SEC24B: variants seen among roughly 807,000 people sequenced by gnomAD.
The protein encoded by SEC24B is SEC24 homolog B, COPII component.
Under a neutral mutation model 142.8 loss-of-function variants are expected in SEC24B, and 45 were observed. That is an observed-to-expected ratio of 0.32 (90% CI 0.25 to 0.40). The LOEUF is 0.40. Among genes scored for constraint, SEC24B ranks in the 10% least tolerant of loss-of-function variants. The pLI, the probability that SEC24B is intolerant of heterozygous loss-of-function variation, is 1.00. For missense variants in SEC24B, 1,409 were observed against 1,526.8 expected, an observed-to-expected ratio of 0.92 and a Z score of 1.29; for synonymous variants, 574 against 568.2, an observed-to-expected ratio of 1.01 and a Z score of -0.15.
At chr4:109,502,226 A>C (rs971094033) in intron 6 of SEC24B, among the ~76,000 whole-genome samples, 3 of 152,246 alleles carry the variant, frequency 2.0e-5, no homozygotes, top group Non-Finnish European at 2.9e-5. Context: ...AGCCATGGGA[A>C]GAGTAATAGG....
intron 17 of SEC24B, 32 bp downstream of exon 17, chr4:109,526,431 A>G (rs1724235304): frequency 6.5e-7 from 1 of 1,532,538 alleles, no homozygotes; most frequent in South Asian, 1.2e-5. Context: ...TATAGTCTGC[A>G]GCAGTAATTC....
At chr4:109,456,513 A>G (rs1433945057) in intron 1 of SEC24B, among the ~76,000 whole-genome samples, 1 of 152,072 alleles carries the variant, frequency 6.6e-6, no homozygotes, top group African/African-American at 2.4e-5. Flanking sequence ...CTTACCATTA[A>G]GTATGGTTTG....
At position 109,457,852 on chromosome 4, in the gene SEC24B, A is replaced by T. The variant is rs547995180; in HGVS notation, c.134-5049A>T. Among the ~76,000 whole-genome samples the T allele has an allele frequency of 4.6e-5, 7 of 152,290 alleles. 1 individual carries two copies. In the South Asian group the frequency reaches 1.4e-3, roughly 32 times the overall value. On this transcript the variant is annotated intron_variant, in intron 1 of 23. Transcript: ENST00000265175. ...ATACATGTGATTGCATTTAGAACCC[A>T]CTCAAATAATCCAAGAGAGGCTCCT...
intron 4 of SEC24B, among the ~76,000 whole-genome samples, chr4:109,488,473 C>T (rs1024248721): frequency 6.6e-6 from 1 of 152,084 alleles, no homozygotes; most frequent in Non-Finnish European, 1.5e-5. Flanking sequence ...AAAAAATATT[C>T]CATATGTGAA....
At chr4:109,445,481 T>TGTGTTAGCCAG (rs1729368911) in intron 1 of SEC24B, among the ~76,000 whole-genome samples, 1 of 149,156 alleles carries the variant, frequency 6.7e-6, no homozygotes, top group Admixed American at 6.7e-5. Context: ...GGTCTCGATC[T>TGTGTTAGCCAG]GACCTCGTGA....
chr4:109,473,112 C>A lies in SEC24B; in HGVS notation c.986C>A (p.Thr329Lys). ...SGSSGSSSTRTPPTANHPVEP... is the reference protein window; with the variant it reads ...SGSSGSSSTRKPPTANHPVEP... ...TCCTCAGGATCCTCATCAACAAGAA[C>A]ACCTCCCACTGCAAATCACCCAGTT... The change falls in exon 3 of 24, where the codon ACA (threonine) becomes AAA (lysine). Residue 329 changes from threonine to lysine, a missense_variant. This residue lies in a region of SEC24B where 709 missense variants were observed against 673.5 expected (regional missense o/e 1.05). Coordinates refer to ENST00000265175, the MANE Select transcript of SEC24B (RefSeq NM_006323.5). The A allele has an allele frequency of 6.2e-7, 1 of 1,600,562 alleles. No individual in the cohort carries two copies. Among genetic ancestry groups the A allele is most frequent in the Non-Finnish European group, 8.5e-7 (1 of 1,173,630 alleles).
At chr4:109,510,444 A>G (rs76039953) in intron 8 of SEC24B, among the ~76,000 whole-genome samples, 7,156 of 152,296 alleles carry the variant, frequency 0.047, 191 homozygotes, top group African/African-American at 0.071. Flanking sequence ...TAGTGAGTAC[A>G]GTATGAGAAG....
chr4:109,491,520 AAAAG>A (rs1735019792), intron 5 of SEC24B, 113 bp downstream of exon 5: 1 of 756,082 alleles, frequency 1.3e-6, no homozygotes. Context: ...TAACAAGAAA[AAAAG>A]GACATTTTTC....
At chr4:109,529,705 A>G (rs1213469285) in intron 18 of SEC24B, among the ~76,000 whole-genome samples, 1 of 152,164 alleles carries the variant, frequency 6.6e-6, no homozygotes, top group Non-Finnish European at 1.5e-5. Flanking sequence ...GTAAATGGAA[A>G]AATATGCATT....
At chr4:109,468,632 G>A (rs1371531093) in intron 2 of SEC24B, among the ~76,000 whole-genome samples, 1 of 152,182 alleles carries the variant, frequency 6.6e-6, no homozygotes, top group South Asian at 2.1e-4. Flanking sequence ...GAAGAACCTA[G>A]ATCAGGAAAA....
intron 1 of SEC24B, among the ~76,000 whole-genome samples, chr4:109,441,019 A>G (rs1728881885): frequency 6.6e-6 from 1 of 152,146 alleles, no homozygotes; most frequent in Non-Finnish European, 1.5e-5. Flanking sequence ...TATTTTAGCT[A>G]GTTTGCTTAT....
At chr4:109,456,916 A>G (rs533799426) in intron 1 of SEC24B, among the ~76,000 whole-genome samples, 1 of 152,352 alleles carries the variant, frequency 6.6e-6, no homozygotes, top group South Asian at 2.1e-4. Flanking sequence ...CATCATTTTT[A>G]ATCTAATAAA....
chr4:109,460,222 A>G (rs1578798681), intron 1 of SEC24B, among the ~76,000 whole-genome samples: 1 of 152,190 alleles, frequency 6.6e-6, no homozygotes, highest in Non-Finnish European at 1.5e-5. Flanking sequence ...AGATTCCATT[A>G]CATTACTTAG....
At chr4:109,470,517 C>T (rs1024681825) in intron 2 of SEC24B, among the ~76,000 whole-genome samples, 1 of 152,182 alleles carries the variant, frequency 6.6e-6, no homozygotes, top group African/African-American at 2.4e-5. Flanking sequence ...GACCTCATTT[C>T]CTACAGAGCT....
At chr4:109,514,825 G>A (rs1488818246) in intron 10 of SEC24B, among the ~76,000 whole-genome samples, 1 of 152,190 alleles carries the variant, frequency 6.6e-6, no homozygotes, top group Non-Finnish European at 1.5e-5. Context: ...TTTGGCGCCT[G>A]GCTCATCTTT....
chr4:109,453,041 C>T (rs1397096797), intron 1 of SEC24B, among the ~76,000 whole-genome samples: 1 of 152,078 alleles, frequency 6.6e-6, no homozygotes, highest in Non-Finnish European at 1.5e-5. Context: ...CTGGGGGAGA[C>T]ATCACATGTC....
Position 109,473,013 on chromosome 4 carries a change from CT to C in SEC24B, c.890del (p.Leu297TyrfsTer44). On this transcript the variant is annotated frameshift_variant, in exon 3 of 24. Coordinates refer to ENST00000265175, the MANE Select transcript of SEC24B (RefSeq NM_006323.5). LOFTEE classifies it high-confidence loss of function. ...AGTTTCTTCTCTTCAGTTGCAGATTCTTTATCCTGTCCTGTTATGCAAAATG... is the reference window on the plus strand; with the variant it reads ...AGTTTCTTCTCTTCAGTTGCAGATTCTTATCCTGTCCTGTTATGCAAAATG... ...NNNPTITVAD[S>X]LSCPVMQNVQ... The C allele has an allele frequency of 6.5e-7, 1 of 1,536,888 alleles. No individual in the cohort carries two copies. The highest frequency in any genetic ancestry group is 1.3e-5 in the South Asian group (1 of 75,660).
At position 109,481,744 on chromosome 4, in the gene SEC24B, C is replaced by T. The variant is rs973751283; in HGVS notation, c.1128C>T (p.Ser376=). Residue 376 remains serine, a synonymous_variant, in exon 4 of 24, where the codon TCC becomes TCT. Transcript: ENST00000265175. ...CACCAACTCCCTTGTCATCAACTTC[C>T]GATGATGAGGAAGAGGAGGAGGAGG... ...SSAPTPLSST[S]DDEEEEEEDE... is the part of the protein sequence containing the mutation. 2.5e-6 allele frequency: 4 copies of T among 1,613,568 alleles called. No individual in the cohort carries two copies. The highest frequency in any genetic ancestry group is 1.3e-5 in the African/African-American group (1 of 74,896).
intron 1 of SEC24B, 58 bp from the exon 2 acceptor site, chr4:109,462,843 G>T: frequency 7.8e-7 from 1 of 1,282,866 alleles, no homozygotes; most frequent in South Asian, 1.4e-5. Context: ...TTAAATGGGG[G>T]CTATTTTTAA....
Sources: gnomAD v4.1 joint callset for allele counts (sites outside exome capture counted in the v4.1 genomes callset) on GRCh38, gnomAD v4.1.1 for gene constraint, gnomAD v4.1.1 regional missense constraint, MANE v1.5 for transcripts, NCBI Gene and HGNC (gene_info 2026-07-23, HGNC 2026-07-21) for gene names.